NHSL2: variants seen among roughly 807,000 people sequenced by gnomAD.
NHSL2 encodes the protein NHS-like protein 2.
A neutral mutation model predicts 53.4 loss-of-function variants in NHSL2; 27 were observed. The observed-to-expected ratio is 0.51, with a 90% CI of 0.37 to 0.70. The LOEUF is 0.70. Ranked by LOEUF, NHSL2 falls within the 30% of genes least tolerant of loss-of-function variation. The probability of loss-of-function intolerance (pLI) is 0.00; values close to 1 mark genes in which losing one functional copy is unlikely to be tolerated. For synonymous variants in NHSL2, 408 were observed against 404.1 expected (o/e 1.01, Z -0.12); for missense variants, 892 against 980.1 (o/e 0.91, Z 1.20).
intron 1 of NHSL2, among the ~76,000 whole-genome samples, chrX:72,080,962 C>T (rs1569478315): frequency 9.0e-6 from 1 of 111,548 alleles, no homozygotes; most frequent in African/African-American, 3.3e-5. Context: ...AGACTAGCCA[C>T]GTGGTGGTGG....
At chrX:71,969,614 A>G (rs2041917249) in intron 1 of NHSL2, among the ~76,000 whole-genome samples, 1 of 112,471 alleles carries the variant, frequency 8.9e-6, no homozygotes, top group African/African-American at 3.2e-5. Flanking sequence ...CGTCCGGCCA[A>G]ATGGTTTTCT....
At chrX:72,084,818 C>A (rs2041822259) in intron 1 of NHSL2, among the ~76,000 whole-genome samples, 1 of 111,712 alleles carries the variant, frequency 9.0e-6, no homozygotes, top group Non-Finnish European at 1.9e-5. Flanking sequence ...CAAGAGCTGG[C>A]AGCTGGTAGG....
chrX:72,041,283 A>T (rs913573572), intron 1 of NHSL2, among the ~76,000 whole-genome samples: 1 of 111,772 alleles, frequency 8.9e-6, no homozygotes, highest in African/African-American at 3.3e-5. Context: ...AAAGATCCAC[A>T]CGAACATTAT....
chrX:71,931,138 A>G (rs1220178116), intron 1 of NHSL2, among the ~76,000 whole-genome samples: 1 of 112,311 alleles, frequency 8.9e-6, no homozygotes, highest in East Asian at 2.8e-4. Flanking sequence ...ACATCTTTTC[A>G]TGTGCCTAGT....
chrX:72,041,968 T>C (rs1018307417), intron 1 of NHSL2, among the ~76,000 whole-genome samples: 2 of 112,211 alleles, frequency 1.8e-5, no homozygotes, highest in Non-Finnish European at 3.8e-5. Context: ...GCTAGCCTTC[T>C]GTTTTCCCGC....
At chrX:72,057,612 C>T (rs926145568) in intron 1 of NHSL2, among the ~76,000 whole-genome samples, 2 of 111,770 alleles carry the variant, frequency 1.8e-5, no homozygotes, top group Admixed American at 1.9e-4. Context: ...TCGACTTGCT[C>T]CTAGGGACCT....
intron 1 of NHSL2, among the ~76,000 whole-genome samples, chrX:72,026,294 G>C (rs1458470703): frequency 8.9e-6 from 1 of 112,222 alleles, no homozygotes; most frequent in Non-Finnish European, 1.9e-5. Context: ...GATGGGGATG[G>C]AGTTGGAGTA....
At chrX:72,012,579 C>T (rs779595005) in intron 1 of NHSL2, among the ~76,000 whole-genome samples, 2 of 112,605 alleles carry the variant, frequency 1.8e-5, no homozygotes, top group African/African-American at 6.5e-5. Flanking sequence ...TATAAGGATA[C>T]GTGTCATTAG....
intron 1 of NHSL2, among the ~76,000 whole-genome samples, chrX:71,973,196 G>A (rs760951361): frequency 8.9e-6 from 1 of 112,160 alleles, no homozygotes; most frequent in Admixed American, 9.4e-5. Flanking sequence ...ATGTTTTGCA[G>A]TCTGTCCCAC....
chrX:72,048,021 G>A (rs1278996604), intron 1 of NHSL2, among the ~76,000 whole-genome samples: 1 of 108,384 alleles, frequency 9.2e-6, no homozygotes, highest in African/African-American at 3.4e-5. Context: ...CACTGGTTCA[G>A]TGCCATTAAG....
At position 72,152,524 on chromosome X, in the gene NHSL2, A is replaced by G. The variant is rs1380393289; in HGVS notation, c.*8950A>G. The G allele has an allele frequency of 3.6e-5, 4 of 111,879 alleles. No homozygotes were observed. The highest frequency in any genetic ancestry group is 7.5e-5 in the Non-Finnish European group (4 of 53,095). 9.2% of individuals were successfully genotyped at this position (111,879 alleles called of 1,213,427 possible). A position where few individuals can be genotyped will look rare whatever the true frequency, so the allele number is the denominator to read the frequency against. On this transcript the variant is annotated 3_prime_UTR_variant, in exon 8 of 8. Coordinates refer to ENST00000633930, the MANE Select transcript of NHSL2 (RefSeq NM_001013627.3). ...ACCTTCTTTCCATTGGCAATTCAAA[A>G]CAGGCTGACATACAGAGGGCTAGCA... is the stretch of plus-strand genomic sequence containing the variant.
intron 1 of NHSL2, chrX:72,130,129 T>C: frequency 8.3e-7 from 1 of 1,210,704 alleles, no homozygotes; most frequent in South Asian, 1.8e-5. Context: ...AAAGGTCGGC[T>C]CCATCTCCAT....
chrX:71,914,583 C>T (rs780755432), intron 1 of NHSL2, among the ~76,000 whole-genome samples: 1 of 111,924 alleles, frequency 8.9e-6, no homozygotes, highest in South Asian at 3.7e-4. Flanking sequence ...CCAGTTGGGT[C>T]CGTGGTGAAA....
At chrX:71,980,872 A>C (rs1340989608) in intron 1 of NHSL2, among the ~76,000 whole-genome samples, 1 of 112,002 alleles carries the variant, frequency 8.9e-6, no homozygotes, top group Non-Finnish European at 1.9e-5. Flanking sequence ...AGTGCCTGAT[A>C]GAGACCTAAT....
chrX:72,075,214 G>T (rs1279829441), intron 1 of NHSL2, among the ~76,000 whole-genome samples: 2 of 112,365 alleles, frequency 1.8e-5, no homozygotes, highest in Admixed American at 1.9e-4. Flanking sequence ...TCCTCAGTTT[G>T]TTCATCTGCA....
At chrX:72,084,560 C>T (rs1432736308) in intron 1 of NHSL2, among the ~76,000 whole-genome samples, 7 of 112,237 alleles carry the variant, frequency 6.2e-5, no homozygotes, top group Non-Finnish European at 1.1e-4. Flanking sequence ...TAGATGCAGG[C>T]TGCCCCCAGG....
At chrX:72,043,912 T>C (rs755577247) in intron 1 of NHSL2, among the ~76,000 whole-genome samples, 3 of 111,672 alleles carry the variant, frequency 2.7e-5, no homozygotes, top group South Asian at 7.5e-4. Context: ...CGTGAGAACA[T>C]GAAGGTGTGG....
intron 1 of NHSL2, among the ~76,000 whole-genome samples, chrX:72,018,927 C>T (rs2042147929): frequency 3.5e-5 from 4 of 112,970 alleles, no homozygotes; most frequent in African/African-American, 9.6e-5. Context: ...GATCCAGAAA[C>T]GAAATGGACT....
intron 1 of NHSL2, among the ~76,000 whole-genome samples, chrX:71,952,972 C>T (rs1472688340): frequency 8.9e-6 from 1 of 111,835 alleles, no homozygotes; most frequent in Non-Finnish European, 1.9e-5. Context: ...AGGCAGGTTT[C>T]CTGAGTGTAA....
Sources: gnomAD v4.1 joint callset for allele counts (sites outside exome capture counted in the v4.1 genomes callset) on GRCh38, gnomAD v4.1.1 for gene constraint, MANE v1.5 for transcripts, NCBI Gene and HGNC (gene_info 2026-07-23, HGNC 2026-07-21) for gene names.